The following ATRNL1 variants were observed in gnomAD, a reference collection of about 807,000 sequenced individuals.
ATRNL1 encodes attractin like 1, also known as attractin-like protein 1.
Under a neutral mutation model 182.7 loss-of-function variants are expected in ATRNL1, and 95 were observed. The observed-to-expected ratio is 0.52, with a 90% CI of 0.44 to 0.62. ATRNL1 has a LOEUF of 0.62. Ranked by LOEUF, ATRNL1 falls within the 20% of genes least tolerant of loss-of-function variation. The pLI, the probability that ATRNL1 is intolerant of heterozygous loss-of-function variation, is 0.00. For missense variants in ATRNL1, 1,471 were observed against 1,679.5 expected (o/e 0.88, Z 2.17); for synonymous variants, 576 against 568.3 (o/e 1.01, Z -0.19).
chr10:115,471,256 C>T (rs1473709389), intron 24 of ATRNL1, among the ~76,000 whole-genome samples: 1 of 150,834 alleles, frequency 6.6e-6, no homozygotes, highest in Non-Finnish European at 1.5e-5. Context: ...TATCCATGGA[C>T]ACAGCTTGCT....
In ATRNL1 at chr10:115,324,393, TC is replaced by T. The variant is rs149073035; in HGVS notation, c.3037+8659del. Among the ~76,000 whole-genome samples the T allele has an allele frequency of 8.3e-3, 1,271 of 152,336 alleles. 18 individuals are homozygous for T. Among genetic ancestry groups the T allele is most frequent in the African/African-American group, 0.029 (1,222 of 41,574 alleles). ...CTGCAAAGCATAAAATGCTATCTAG[TC>T]CTTTATGTAAAAAAAGTTTTACCAA... On this transcript the variant is annotated intron_variant, in intron 18 of 28. Transcript: ENST00000355044.
At chr10:115,197,299 G>A (rs1351410849) in intron 8 of ATRNL1, among the ~76,000 whole-genome samples, 2 of 151,738 alleles carry the variant, frequency 1.3e-5, no homozygotes, top group Admixed American at 6.6e-5. Context: ...AGACTTCTAT[G>A]TCTATATTCA....
chr10:115,167,804 GAT>G (rs1279933951), intron 7 of ATRNL1, among the ~76,000 whole-genome samples: 2 of 151,934 alleles, frequency 1.3e-5, no homozygotes, highest in African/African-American at 4.8e-5. Flanking sequence ...GCCTTACTGA[GAT>G]ATAATTGATA....
intron 26 of ATRNL1, among the ~76,000 whole-genome samples, chr10:115,570,032 G>A (rs187186347): frequency 2.0e-5 from 3 of 152,302 alleles, no homozygotes; most frequent in Admixed American, 2.0e-4. Flanking sequence ...TGCGATCTCA[G>A]CTCACTGCAA....
intron 9 of ATRNL1, among the ~76,000 whole-genome samples, chr10:115,223,929 A>ATATATATATATATTTTTT (rs1420143943): frequency 3.6e-4 from 16 of 44,728 alleles, no homozygotes; most frequent in African/African-American, 1.5e-3. Flanking sequence ...ATATATATAT[A>ATATATATATATATTTTTT]TTTTTTTTTT....
At chr10:115,800,392 A>G (rs576539828) in intron 27 of ATRNL1, among the ~76,000 whole-genome samples, 2 of 152,306 alleles carry the variant, frequency 1.3e-5, no homozygotes, top group Non-Finnish European at 1.5e-5. Context: ...TTTAATGATC[A>G]AAGAAAGGAA....
chr10:115,604,564 A>G (rs1856776468), intron 26 of ATRNL1, among the ~76,000 whole-genome samples: 2 of 152,062 alleles, frequency 1.3e-5, no homozygotes, highest in South Asian at 4.1e-4. Context: ...TTTTCAGCAT[A>G]TATCCATCCT....
intron 24 of ATRNL1, among the ~76,000 whole-genome samples, chr10:115,482,184 T>A (rs1433267584): frequency 6.6e-6 from 1 of 151,134 alleles, no homozygotes; most frequent in Admixed American, 6.6e-5. Context: ...TGTTATATAA[T>A]GTTACTAGAA....
intron 8 of ATRNL1, among the ~76,000 whole-genome samples, chr10:115,185,910 A>G (rs1554888653): frequency 6.6e-6 from 1 of 152,034 alleles, no homozygotes; most frequent in Admixed American, 6.6e-5. Context: ...GAGTTCTGCA[A>G]ACCAGTTCTG....
At position 115,129,389 on chromosome 10, in the gene ATRNL1, C is replaced by T. The variant is rs1248920457; in HGVS notation, c.683C>T (p.Pro228Leu). Residue 228 changes from proline (P) to leucine (L), a missense_variant, in exon 5 of 29, where the codon CCA (proline) becomes CTA (leucine). Physicochemically the swap from Pro to Leu is moderately conservative, Grantham distance 98 (BLOSUM62 -3). Coordinates refer to ENST00000355044, the MANE Select transcript of ATRNL1 (RefSeq NM_207303.4). ...AAGTGTACAACTAGTGTCTCTGTTCCAAGTCAAGTATATTGTGAATGTGAT... is the reference window on the plus strand; with the variant it reads ...AAGTGTACAACTAGTGTCTCTGTTCTAAGTCAAGTATATTGTGAATGTGAT... ...HGKCTTSVSV[P>L]SQVYCECDKY... 6.2e-7 allele frequency: 1 copy of T among 1,613,850 alleles called. No individual in the cohort carries two copies.
chr10:115,631,596 A>G (rs575282546), intron 26 of ATRNL1, among the ~76,000 whole-genome samples: 56 of 152,262 alleles, frequency 3.7e-4, no homozygotes, highest in Middle Eastern at 3.4e-3. Context: ...CAACAGTAAC[A>G]TAATTATATA....
At chr10:115,532,220 A>T (rs1193036892) in intron 25 of ATRNL1, among the ~76,000 whole-genome samples, 1 of 152,194 alleles carries the variant, frequency 6.6e-6, no homozygotes, top group Non-Finnish European at 1.5e-5. Context: ...TACCTTGGGC[A>T]GTATGGCCAT....
chr10:115,759,432 G>A (rs1451488259), intron 27 of ATRNL1, among the ~76,000 whole-genome samples: 1 of 152,054 alleles, frequency 6.6e-6, no homozygotes, highest in African/African-American at 2.4e-5. Flanking sequence ...GAACACACTT[G>A]CTCCATTTGT....
intron 27 of ATRNL1, among the ~76,000 whole-genome samples, chr10:115,736,658 G>C (rs2960654): frequency 0.95 from 144,150 of 152,194 alleles, 68,741 homozygotes; most frequent in East Asian, 1. Context: ...ATGCTTTCCT[G>C]CATAGAGGAT....
chr10:115,205,599 A>G (rs532182976), intron 8 of ATRNL1, among the ~76,000 whole-genome samples: 7 of 151,596 alleles, frequency 4.6e-5, no homozygotes, highest in South Asian at 2.1e-4. Context: ...TTCCATTTTA[A>G]TCTTATCTTA....
intron 9 of ATRNL1, among the ~76,000 whole-genome samples, chr10:115,219,751 A>G (rs1849373976): frequency 6.6e-6 from 1 of 151,914 alleles, no homozygotes; most frequent in Admixed American, 6.6e-5. Context: ...AAAAATACAA[A>G]AGTTAGCCAG....
intron 26 of ATRNL1, among the ~76,000 whole-genome samples, chr10:115,575,592 C>T (rs1820318240): frequency 6.6e-6 from 1 of 152,092 alleles, no homozygotes; most frequent in African/African-American, 2.4e-5. Context: ...TTTCTGCATG[C>T]TAATGTCACC....
chr10:115,502,937 G>C (rs928611949), intron 24 of ATRNL1, among the ~76,000 whole-genome samples: 1 of 152,078 alleles, frequency 6.6e-6, no homozygotes, highest in Non-Finnish European at 1.5e-5. Flanking sequence ...CCTCCTCTGC[G>C]ATAGTTTTTG....
At chr10:115,864,468 A>T (rs1951388534) in intron 28 of ATRNL1, among the ~76,000 whole-genome samples, 1 of 152,246 alleles carries the variant, frequency 6.6e-6, no homozygotes, top group Non-Finnish European at 1.5e-5. Flanking sequence ...ACACATTTGT[A>T]TAGTCAGAGT....
Sources: allele counts gnomAD v4.1 joint callset (sites outside exome capture counted in the v4.1 genomes callset), GRCh38; gene constraint gnomAD v4.1.1; transcripts MANE v1.5; gene names NCBI Gene and HGNC (gene_info 2026-07-23, HGNC 2026-07-21).